The following CPEB3 variants were observed in gnomAD, a reference collection of about 807,000 sequenced individuals.
CPEB3 encodes cytoplasmic polyadenylation element-binding protein 3.
Under a neutral mutation model 67.2 loss-of-function variants are expected in CPEB3, and 20 were observed. The ratio of observed to expected loss-of-function variants is 0.30; its 90% CI spans 0.21 to 0.43. CPEB3 has a LOEUF of 0.43. Ranked by LOEUF, CPEB3 falls within the 20% of genes least tolerant of loss-of-function variation. CPEB3 has a pLI of 1.00. For missense variants in CPEB3, 746 were observed against 968.6 expected (o/e 0.77, Z 3.05); for synonymous variants, 376 against 393.1 (o/e 0.96, Z 0.51).
intron 4 of CPEB3, among the ~76,000 whole-genome samples, chr10:92,168,944 T>C (rs893889895): frequency 2.6e-5 from 4 of 151,352 alleles, no homozygotes; most frequent in Non-Finnish European, 5.9e-5. Context: ...TACAGGTGCA[T>C]GCCACTATGC....
intron 9 of CPEB3, among the ~76,000 whole-genome samples, chr10:92,071,690 G>A (rs11186818): frequency 0.35 from 52,175 of 150,068 alleles, 9,221 homozygotes; most frequent in Admixed American, 0.39. Context: ...AGCCAAGATC[G>A]CACCACTGCA....
At chr10:92,265,641 C>T (rs754728967) in intron 1 of CPEB3, among the ~76,000 whole-genome samples, 1 of 150,308 alleles carries the variant, frequency 6.7e-6, no homozygotes, top group African/African-American at 2.4e-5. Context: ...CCCAGCAACT[C>T]GGGAGGCTGA....
At chr10:92,280,941 G>T (rs557130411) in intron 1 of CPEB3, among the ~76,000 whole-genome samples, 10 of 150,512 alleles carry the variant, frequency 6.6e-5, no homozygotes, top group Non-Finnish European at 1.5e-4. Flanking sequence ...TGCATTATTA[G>T]TAGAGACAGG....
chr10:92,247,554 T>C (rs1170124659), intron 1 of CPEB3, among the ~76,000 whole-genome samples: 8 of 152,120 alleles, frequency 5.3e-5, no homozygotes, highest in African/African-American at 1.9e-4. Context: ...TGTGCCACCA[T>C]GCCCAGCTAA....
chr10:92,253,602 G>C (rs1564910854), intron 1 of CPEB3, among the ~76,000 whole-genome samples: 1 of 151,872 alleles, frequency 6.6e-6, no homozygotes, highest in Non-Finnish European at 1.5e-5. Flanking sequence ...AATTAGCCAG[G>C]CATGGTGGCA....
At chr10:92,180,924 G>A in intron 4 of CPEB3, 39 bp downstream of exon 4, 1 of 1,021,414 alleles carries the variant, frequency 9.8e-7, no homozygotes, top group East Asian at 2.4e-5. Context: ...CTGCAAACTT[G>A]ACTGCTAATT....
At chr10:92,284,713 A>C (rs1382062505) in intron 1 of CPEB3, among the ~76,000 whole-genome samples, 1 of 152,100 alleles carries the variant, frequency 6.6e-6, no homozygotes, top group East Asian at 1.9e-4. Context: ...CCACATTTGC[A>C]ATTTGATACA....
At chr10:92,196,507 G>A (rs61875210) in intron 2 of CPEB3, among the ~76,000 whole-genome samples, 30,746 of 151,986 alleles carry the variant, frequency 0.2, 3,890 homozygotes, top group Middle Eastern at 0.34. Flanking sequence ...AGTGGCTCAC[G>A]CCTGTAATCC....
chr10:92,103,227 A>T (rs1478194452), intron 7 of CPEB3, among the ~76,000 whole-genome samples: 1 of 152,178 alleles, frequency 6.6e-6, no homozygotes, highest in South Asian at 2.1e-4. Context: ...GGTGAGACCC[A>T]CTCAATGATC....
rs1057216014 is a variant in CPEB3 at position 92,287,192 on chromosome 10, G to A, written c.-12+3734C>T. 5.3e-5 allele frequency among the ~76,000 whole-genome samples: 8 copies of A among 151,048 alleles called. No homozygotes were observed. The East Asian group carries it at 1.4e-3, about 26-fold the overall frequency. ...TTGCCAGGCTGGAGTGCAGTGGTGC[G>A]ATCTCAGCTCATTGCAACCTCCGCC... On this transcript the variant is annotated intron_variant, in intron 1 of 9. Transcript: ENST00000265997.
At chr10:92,138,124 T>A in intron 6 of CPEB3, 1 of 170,876 alleles carries the variant, frequency 5.9e-6, no homozygotes, top group Non-Finnish European at 1.3e-5. Context: ...AGTTTTGTTC[T>A]GGCTCTCACA....
intron 9 of CPEB3, among the ~76,000 whole-genome samples, chr10:92,079,916 C>T (rs888656381): frequency 1.3e-5 from 2 of 152,050 alleles, no homozygotes; most frequent in Non-Finnish European, 2.9e-5. Flanking sequence ...AGACTTGGTG[C>T]TCGGCCAGGC....
At chr10:92,087,913 C>A (rs1039359162) in intron 8 of CPEB3, among the ~76,000 whole-genome samples, 1 of 152,076 alleles carries the variant, frequency 6.6e-6, no homozygotes, top group Non-Finnish European at 1.5e-5. Context: ...AAAGAATATG[C>A]GAGCTTTAGC....
intron 6 of CPEB3, among the ~76,000 whole-genome samples, chr10:92,135,245 A>G (rs1389933181): frequency 6.6e-6 from 1 of 152,240 alleles, no homozygotes; most frequent in Non-Finnish European, 1.5e-5. Flanking sequence ...GAATAGGAGA[A>G]AATTTTTGCA....
At chr10:92,076,893 G>A (rs2133180174) in intron 9 of CPEB3, among the ~76,000 whole-genome samples, 1 of 151,550 alleles carries the variant, frequency 6.6e-6, no homozygotes, top group East Asian at 1.9e-4. Flanking sequence ...GGAAGGAAGA[G>A]GAAGGAAGGA....
At chr10:92,271,307 T>C (rs2134992716) in intron 1 of CPEB3, among the ~76,000 whole-genome samples, 1 of 152,356 alleles carries the variant, frequency 6.6e-6, no homozygotes, top group South Asian at 2.1e-4. Context: ...TCTTATATTA[T>C]CATGGTATAA....
At chr10:92,165,337 AC>A (rs1335944953) in intron 4 of CPEB3, among the ~76,000 whole-genome samples, 3 of 151,752 alleles carry the variant, frequency 2.0e-5, no homozygotes, top group Admixed American at 1.3e-4. Context: ...AAAATAAAAA[AC>A]AATACTTTAT....
At chr10:92,282,397 G>A (rs1842337072) in intron 1 of CPEB3, among the ~76,000 whole-genome samples, 1 of 152,098 alleles carries the variant, frequency 6.6e-6, no homozygotes, top group Non-Finnish European at 1.5e-5. Flanking sequence ...TCAAATCAAA[G>A]TAACACTGTA....
intron 1 of CPEB3, among the ~76,000 whole-genome samples, chr10:92,275,845 C>CTTTTTTTTT (rs909549413): frequency 1.4e-3 from 132 of 92,902 alleles, no homozygotes; most frequent in Non-Finnish European, 1.8e-3. Flanking sequence ...TCATTCTTTT[C>CTTTTTTTTT]TTTTTTTTTT....
Sources: gnomAD v4.1 joint callset for allele counts (sites outside exome capture counted in the v4.1 genomes callset) on GRCh38, gnomAD v4.1.1 for gene constraint, MANE v1.5 for transcripts, NCBI Gene and HGNC (gene_info 2026-07-23, HGNC 2026-07-21) for gene names.